The following NUDCD3 variants were observed in gnomAD, a reference collection of about 807,000 sequenced individuals.
The protein encoded by NUDCD3 is nudC domain-containing protein 3.
Under a neutral mutation model 39.7 loss-of-function variants are expected in NUDCD3, and 13 were observed. The observed-to-expected ratio is 0.33, with a 90% confidence interval of 0.21 to 0.52. The LOEUF (loss-of-function observed/expected upper bound fraction) is 0.52, where lower values mean the gene tolerates loss of function less well. Among genes scored for constraint, NUDCD3 ranks in the 20% least tolerant of loss-of-function variants. NUDCD3 has a pLI of 0.96. For missense variants in NUDCD3, 453 were observed against 458.1 expected (o/e 0.99, Z 0.10); for synonymous variants, 175 against 172.4 (o/e 1.02, Z -0.12).
chr7:44,437,069 CTTTT>C (rs35904938), intron 2 of NUDCD3, among the ~76,000 whole-genome samples: 1 of 117,288 alleles, frequency 8.5e-6, no homozygotes, highest in Non-Finnish European at 1.8e-5. Flanking sequence ...CTTTTCTTTT[CTTTT>C]TTTTTTTTTT....
intron 2 of NUDCD3, among the ~76,000 whole-genome samples, chr7:44,483,122 T>C: frequency 6.6e-6 from 1 of 151,978 alleles, no homozygotes; most frequent in Non-Finnish European, 1.5e-5. Flanking sequence ...CCCAATAGTA[T>C]AAACACAAGG....
At chr7:44,466,570 G>T (rs1268674251) in intron 2 of NUDCD3, among the ~76,000 whole-genome samples, 1 of 152,160 alleles carries the variant, frequency 6.6e-6, no homozygotes, top group African/African-American at 2.4e-5. Context: ...TGTGGTTCTG[G>T]GCTCAGCCAT....
At chr7:44,486,067 G>A (rs1800604213) in intron 1 of NUDCD3, among the ~76,000 whole-genome samples, 1 of 152,230 alleles carries the variant, frequency 6.6e-6, no homozygotes, top group Non-Finnish European at 1.5e-5. Context: ...TTGGAACAAG[G>A]AGGATCCCAG....
intron 2 of NUDCD3, among the ~76,000 whole-genome samples, chr7:44,462,715 C>T (rs542860290): frequency 1.4e-4 from 22 of 152,334 alleles, no homozygotes; most frequent in African/African-American, 5.3e-4. Flanking sequence ...TCCCATTAGA[C>T]ATGCAGGTAG....
At chr7:44,464,123 A>C (rs949850055) in intron 2 of NUDCD3, among the ~76,000 whole-genome samples, 1 of 151,400 alleles carries the variant, frequency 6.6e-6, no homozygotes, top group African/African-American at 2.4e-5. Flanking sequence ...CTGAGACAGG[A>C]GAATTGCTTG....
chr7:44,391,701 T>A (rs1309525825), intron 5 of NUDCD3, among the ~76,000 whole-genome samples: 1 of 152,212 alleles, frequency 6.6e-6, no homozygotes, highest in Non-Finnish European at 1.5e-5. Flanking sequence ...CTTTTTTCCC[T>A]AAATAGCTAC....
At chr7:44,490,358 A>G in intron 1 of NUDCD3, 51 bp downstream of exon 1, 1 of 1,457,336 alleles carries the variant, frequency 6.9e-7, no homozygotes, top group Non-Finnish European at 9.0e-7. Context: ...GCCAGGAGTC[A>G]GGGCAGGCCG....
intron 3 of NUDCD3, among the ~76,000 whole-genome samples, chr7:44,424,566 T>C (rs905281696): frequency 1.3e-4 from 20 of 152,238 alleles, no homozygotes; most frequent in Non-Finnish European, 2.6e-4. Flanking sequence ...ATTAGAGAAA[T>C]GCAAATAAAA....
intron 2 of NUDCD3, among the ~76,000 whole-genome samples, chr7:44,463,820 TA>T (rs550734861): frequency 4.7e-5 from 7 of 149,370 alleles, no homozygotes; most frequent in African/African-American, 1.7e-4. Context: ...TTTTACTAAA[TA>T]AAAAAAAAAT....
chr7:44,469,124 A>AG (rs1425813540), intron 2 of NUDCD3, among the ~76,000 whole-genome samples: 1 of 148,000 alleles, frequency 6.8e-6, no homozygotes, highest in East Asian at 2.0e-4. Context: ...CCAAAAAAAA[A>AG]AAAAAAAAAA....
In NUDCD3 at chr7:44,386,107, C is replaced by T. The variant is rs371599060; in HGVS notation, c.990G>A (p.Met330Ile). The change falls in exon 6 of 6, where the codon ATG becomes ATA. Residue 330 changes from methionine to isoleucine, a missense_variant. Met to Ile is a conservative substitution (Grantham distance 10). Coordinates refer to ENST00000355451, the MANE Select transcript of NUDCD3 (RefSeq NM_015332.4). ...CTTCAGCATCCCACCCCTTCTTCAG[C>T]ATCTCATGGACTTTCTACAAACAGA... ...PQSHELKVHE[M>I]LKKGWDAEGS... 1 of 1,614,202 alleles carries T rather than the reference C, an allele frequency of 6.2e-7. No individual in the cohort carries two copies. Among genetic ancestry groups the T allele is most frequent in the African/African-American group, 1.3e-5 (1 of 75,066 alleles).
chr7:44,417,294 G>A (rs1456518327), intron 3 of NUDCD3, among the ~76,000 whole-genome samples: 1 of 152,156 alleles, frequency 6.6e-6, no homozygotes, highest in Non-Finnish European at 1.5e-5. Context: ...AAGACATCAG[G>A]GCAGGACCCT....
chr7:44,471,461 T>TGTA (rs1800256283), intron 2 of NUDCD3, among the ~76,000 whole-genome samples: 1 of 152,214 alleles, frequency 6.6e-6, no homozygotes, highest in African/African-American at 2.4e-5. Flanking sequence ...AACAACCAGC[T>TGTA]CAGGGCTAGG....
At position 44,380,099 on chromosome 7, in the gene NUDCD3, TGTC is replaced by T. The variant is rs2116846604; in HGVS notation, c.*5909_*5911del. The T allele has an allele frequency of 6.6e-6, 1 of 152,356 alleles. No individual in the cohort carries two copies. Among genetic ancestry groups the T allele is most frequent in the African/African-American group, 2.4e-5 (1 of 41,564 alleles). 9.4% of individuals were successfully genotyped at this position (152,356 alleles called of 1,614,324 possible). On this transcript the variant is annotated 3_prime_UTR_variant, in exon 6 of 6. Coordinates refer to ENST00000355451, the MANE Select transcript of NUDCD3 (RefSeq NM_015332.4). The stretch of plus-strand genomic sequence containing the variant: ...TGAGAGCCCACAGTGGCTGGGGTCT[TGTC>T]ATCAGGCACCCTGAATGCTTTCAGG...
In NUDCD3 at chr7:44,490,464, T is replaced by C; in HGVS notation, c.137A>G (p.His46Arg). 6.3e-7 allele frequency: 1 copy of C among 1,599,042 alleles called. No homozygotes were observed. The highest frequency in any genetic ancestry group is 2.3e-5 in the East Asian group (1 of 43,922). Residue 46 changes from histidine (H) to arginine (R), a missense_variant, in exon 1 of 6, where the codon CAC (histidine) becomes CGC (arginine). Coordinates refer to ENST00000355451, the MANE Select transcript of NUDCD3 (RefSeq NM_015332.4). ...CGGGAAGCCCATGCGGTCCGATGGGTGGCGCAGCAAGCGATAGAAGTCTGT... is the reference window on the plus strand; with the variant it reads ...CGGGAAGCCCATGCGGTCCGATGGGCGGCGCAGCAAGCGATAGAAGTCTGT... The part of the protein sequence containing the change: ...RKTDFYRLLR[H>R]PSDRMGFPPG...
intron 4 of NUDCD3, among the ~76,000 whole-genome samples, chr7:44,403,536 GT>G: frequency 1.3e-5 from 2 of 152,278 alleles, no homozygotes; most frequent in South Asian, 4.1e-4. Context: ...ACTCCTTTCG[GT>G]ACCTGGCCTG....
chr7:44,480,515 G>A (rs535150738), intron 2 of NUDCD3, among the ~76,000 whole-genome samples: 19 of 152,164 alleles, frequency 1.2e-4, no homozygotes, highest in African/African-American at 3.9e-4. Context: ...GAAAATATCT[G>A]TATAAGTCAA....
At chr7:44,445,426 T>C (rs555840420) in intron 2 of NUDCD3, among the ~76,000 whole-genome samples, 17 of 152,280 alleles carry the variant, frequency 1.1e-4, no homozygotes, top group African/African-American at 4.1e-4. Context: ...TCCCTTCCCC[T>C]AGGAACACAG....
chr7:44,447,510 CT>C (rs759599860), intron 2 of NUDCD3, among the ~76,000 whole-genome samples: 71 of 152,196 alleles, frequency 4.7e-4, no homozygotes, highest in Non-Finnish European at 3.8e-4. Flanking sequence ...GCATCCAGCT[CT>C]CTTCCCCTTC....
Sources: allele counts gnomAD v4.1 joint callset (sites outside exome capture counted in the v4.1 genomes callset), GRCh38; gene constraint gnomAD v4.1.1; transcripts MANE v1.5; gene names NCBI Gene and HGNC (gene_info 2026-07-23, HGNC 2026-07-21).